The following CRB1 variants were observed in gnomAD, a reference collection of about 807,000 sequenced individuals.
The protein encoded by CRB1 is protein crumbs homolog 1.
Under a neutral mutation model 120.0 loss-of-function variants are expected in CRB1, and 83 were observed. The ratio of observed to expected loss-of-function variants is 0.69; its 90% CI spans 0.58 to 0.83. CRB1 has a LOEUF of 0.83. CRB1 is among the 40% of genes least tolerant of loss of function. The pLI, the probability that CRB1 is intolerant of heterozygous loss-of-function variation, is 0.00. For missense variants in CRB1, 1,699 were observed against 1,687.6 expected (o/e 1.01, Z -0.12); for synonymous variants, 625 against 612.5 (o/e 1.02, Z -0.30).
chr1:197,405,687 C>CTT (rs1663334461), intron 5 of CRB1, among the ~76,000 whole-genome samples: 2 of 151,628 alleles, frequency 1.3e-5, no homozygotes, highest in Non-Finnish European at 2.9e-5. Context: ...CTCTGCCCTG[C>CTT]CGCCCCGTCT....
the CRB1 span, among the ~76,000 whole-genome samples, chr1:197,219,205 C>G: frequency 4.6e-5 from 7 of 152,158 alleles, no homozygotes; most frequent in Admixed American, 3.9e-4. Context: ...TTTTAAAAAT[C>G]TGACTCATAA....
the CRB1 span, among the ~76,000 whole-genome samples, chr1:197,252,253 T>C: frequency 6.6e-6 from 1 of 151,716 alleles, no homozygotes; most frequent in Non-Finnish European, 1.5e-5. Context: ...TTTTTGCATG[T>C]CATAGAATAT....
intron 2 of CRB1, among the ~76,000 whole-genome samples, chr1:197,330,947 C>G (rs1192832929): frequency 6.6e-6 from 1 of 152,140 alleles, no homozygotes; most frequent in Non-Finnish European, 1.5e-5. Flanking sequence ...GTAATCCCAG[C>G]ACTTTGGGAG....
chr1:197,473,527 T>A (rs141160111), intron 11 of CRB1, among the ~76,000 whole-genome samples: 1 of 152,034 alleles, frequency 6.6e-6, no homozygotes, highest in Admixed American at 6.6e-5. Flanking sequence ...TTCAAAGTAA[T>A]CACAGTTTAA....
chr1:197,223,323 T>C, the CRB1 span: 1 of 622,932 alleles, frequency 1.6e-6, no homozygotes, highest in African/African-American at 1.9e-5. Flanking sequence ...ATATCATACA[T>C]TGTGGTTTAA....
At chr1:197,348,295 T>C (rs1044338024) in intron 4 of CRB1, among the ~76,000 whole-genome samples, 1 of 152,170 alleles carries the variant, frequency 6.6e-6, no homozygotes, top group Non-Finnish European at 1.5e-5. Context: ...ATGTGTGTTA[T>C]TGTTGCTGAA....
Position 197,452,791 on chromosome 1 carries a change from C to T in CRB1, c.4005+10499C>T, listed in dbSNP as rs140325136. ...TTACACATATGTAGAAATGGTTCAG[C>T]CACTATAAAAACCTGTATGAAGTTT... is the stretch of plus-strand genomic sequence containing the variant. On this transcript the variant is annotated intron_variant, in intron 11 of 11. Coordinates refer to ENST00000367400, the MANE Select transcript of CRB1 (RefSeq NM_201253.3). Among the ~76,000 whole-genome samples the T allele has an allele frequency of 7.2e-4, 109 of 152,090 alleles. No homozygotes were observed. In the East Asian group the frequency reaches 0.02, roughly 28 times the overall value.
chr1:197,356,450 G>A (rs1246458693), intron 4 of CRB1, among the ~76,000 whole-genome samples: 1 of 152,124 alleles, frequency 6.6e-6, no homozygotes, highest in Non-Finnish European at 1.5e-5. Flanking sequence ...ATTTAGTTTG[G>A]TTTTGTGGAT....
At chr1:197,365,819 C>T (rs1393008831) in intron 5 of CRB1, among the ~76,000 whole-genome samples, 1 of 151,986 alleles carries the variant, frequency 6.6e-6, no homozygotes, top group Non-Finnish European at 1.5e-5. Context: ...TTGTGTTATG[C>T]TGGAGGTTAT....
chr1:197,312,023 G>C (rs1292005084), intron 1 of CRB1, among the ~76,000 whole-genome samples: 1 of 151,916 alleles, frequency 6.6e-6, no homozygotes, highest in African/African-American at 2.4e-5. Context: ...ATTCTTTTCT[G>C]TAAGTCGTAA....
At chr1:197,293,930 T>G (rs565293091) in intron 1 of CRB1, among the ~76,000 whole-genome samples, 6 of 152,322 alleles carry the variant, frequency 3.9e-5, no homozygotes, top group Non-Finnish European at 5.9e-5. Context: ...GATTAAAGAC[T>G]TTAATGTTAG....
intron 2 of CRB1, among the ~76,000 whole-genome samples, chr1:197,331,507 C>G (rs920581774): frequency 6.6e-6 from 1 of 152,042 alleles, no homozygotes; most frequent in Non-Finnish European, 1.5e-5. Context: ...ACTGAGGTGT[C>G]TCTTTCTTTG....
At position 197,356,875 on chromosome 1, in the gene CRB1, A is replaced by G. The variant is rs771255089; in HGVS notation, c.1033A>G (p.Ser345Gly). The G allele has an allele frequency of 6.2e-7, 1 of 1,614,204 alleles. No individual in the cohort carries two copies. The highest frequency in any genetic ancestry group is 8.5e-7 in the Non-Finnish European group (1 of 1,180,026). ...TGAGATCGACCTCAATGAATGCAAT[A>G]GTAACCCCTGCCAGTCCAATGGGGA... ...QCEIDLNECN[S>G]NPCQSNGECV... The change falls in exon 5 of 12, where the codon AGT (serine) becomes GGT (glycine). Residue 345 changes from serine to glycine, a missense_variant. Physicochemically the swap from Ser to Gly is moderately conservative, Grantham distance 56. Coordinates refer to ENST00000367400, the MANE Select transcript of CRB1 (RefSeq NM_201253.3).
At chr1:197,258,370 C>T in the CRB1 span, among the ~76,000 whole-genome samples, 1 of 152,106 alleles carries the variant, frequency 6.6e-6, no homozygotes, top group South Asian at 2.1e-4. Context: ...ATGTTTTCTG[C>T]ACAACCCATC....
At chr1:197,216,999 A>T in the CRB1 span, among the ~76,000 whole-genome samples, 1 of 152,132 alleles carries the variant, frequency 6.6e-6, no homozygotes, top group Non-Finnish European at 1.5e-5. Flanking sequence ...TCTGATAAGG[A>T]TCTAGTATCT....
intron 5 of CRB1, among the ~76,000 whole-genome samples, chr1:197,382,003 A>G (rs1362861545): frequency 6.6e-6 from 1 of 152,192 alleles, no homozygotes; most frequent in East Asian, 1.9e-4. Context: ...GTAATTTTCG[A>G]ACACATAAGG....
the CRB1 span, among the ~76,000 whole-genome samples, chr1:197,237,076 A>G: frequency 6.6e-6 from 1 of 151,964 alleles, no homozygotes; most frequent in Non-Finnish European, 1.5e-5. Flanking sequence ...TATTTCTGGC[A>G]GACATTGTAG....
chr1:197,451,159 G>A (rs1293132284), intron 11 of CRB1, among the ~76,000 whole-genome samples: 5 of 152,134 alleles, frequency 3.3e-5, no homozygotes, highest in Non-Finnish European at 5.9e-5. Context: ...TTCAGAAATA[G>A]TGTAGAGAAT....
At chr1:197,300,127 A>G (rs1018043252) in intron 1 of CRB1, among the ~76,000 whole-genome samples, 2 of 151,858 alleles carry the variant, frequency 1.3e-5, no homozygotes, top group Non-Finnish European at 2.9e-5. Context: ...TCAGGCCTCC[A>G]TATTCCCTGA....
Sources: allele counts gnomAD v4.1 joint callset (sites outside exome capture counted in the v4.1 genomes callset), GRCh38; gene constraint gnomAD v4.1.1; transcripts MANE v1.5; gene names NCBI Gene and HGNC (gene_info 2026-07-23, HGNC 2026-07-21).